The following ESRRG variants were observed in gnomAD, a reference collection of about 807,000 sequenced individuals.
ESRRG encodes estrogen related receptor gamma, also known as estrogen-related receptor gamma.
Under a neutral mutation model 44.0 loss-of-function variants are expected in ESRRG, and 13 were observed. The observed-to-expected ratio is 0.30, with a 90% CI of 0.19 to 0.47. The LOEUF (loss-of-function observed/expected upper bound fraction) is 0.47. Among genes scored for constraint, ESRRG ranks in the 20% least tolerant of loss-of-function variants. The probability of loss-of-function intolerance (pLI) is 1.00; values close to 1 mark genes in which losing one functional copy is unlikely to be tolerated. For synonymous variants in ESRRG, 215 were observed against 214.6 expected, an observed-to-expected ratio of 1.00 and a Z score of -0.02; for missense variants, 395 against 580.6, an observed-to-expected ratio of 0.68 and a Z score of 3.29.
At chr1:217,131,764 G>A (rs952795086) in intron 1 of ESRRG, among the ~76,000 whole-genome samples, 7 of 152,178 alleles carry the variant, frequency 4.6e-5, no homozygotes, top group African/African-American at 1.4e-4. Context: ...GGAAAAATTT[G>A]AGTTCAAATT....
chr1:216,715,349 A>G (rs2084624821), intron 1 of ESRRG: 4 of 502,150 alleles, frequency 8.0e-6, no homozygotes, highest in Non-Finnish European at 1.0e-5. Context: ...CACCAACCAT[A>G]TACATCTTTC....
intron 2 of ESRRG, among the ~76,000 whole-genome samples, chr1:216,841,470 G>A (rs1171118925): frequency 1.3e-5 from 2 of 152,166 alleles, no homozygotes; most frequent in Non-Finnish European, 2.9e-5. Context: ...AACTGTGGAA[G>A]TACATGAACA....
chr1:217,088,941 G>A (rs2092261251), intron 1 of ESRRG, among the ~76,000 whole-genome samples: 1 of 152,032 alleles, frequency 6.6e-6, no homozygotes, highest in Admixed American at 6.6e-5. Flanking sequence ...CAACTTCAGC[G>A]ACTCCCTCGG....
At chr1:216,911,572 A>G (rs953225037) in intron 2 of ESRRG, among the ~76,000 whole-genome samples, 65 of 152,268 alleles carry the variant, frequency 4.3e-4, no homozygotes, top group African/African-American at 1.3e-3. Flanking sequence ...CCCAGAGAGA[A>G]TGCTATTGTA....
intron 1 of ESRRG, among the ~76,000 whole-genome samples, chr1:216,971,883 C>T (rs1187484804): frequency 6.6e-6 from 1 of 152,154 alleles, no homozygotes; most frequent in African/African-American, 2.4e-5. Context: ...TTTCCTTCAG[C>T]TACGCTAATC....
At chr1:216,538,675 A>G (rs1459737129) in intron 5 of ESRRG, among the ~76,000 whole-genome samples, 2 of 152,016 alleles carry the variant, frequency 1.3e-5, no homozygotes, top group Non-Finnish European at 2.9e-5. Flanking sequence ...AACTCTACCC[A>G]TCTTCCTATC....
intron 1 of ESRRG, among the ~76,000 whole-genome samples, chr1:217,040,878 G>T (rs1397487636): frequency 1.3e-5 from 2 of 152,106 alleles, no homozygotes; most frequent in Admixed American, 6.5e-5. Flanking sequence ...AACACAGATG[G>T]AGGGCCAGAA....
In ESRRG at chr1:216,847,437, A is replaced by G. The variant is rs1212489532; in HGVS notation, c.-14+92145T>C. On this transcript the variant is annotated intron_variant, in intron 2 of 7. Coordinates refer to the ESRRG transcript ENST00000359162. Reference sequence around the variant, plus strand: ...AAAGGTACCATGATTTAACTGGAGTAGAAAGGAAAGGGATACATTTTAATT... The same window carrying G: ...AAAGGTACCATGATTTAACTGGAGTGGAAAGGAAAGGGATACATTTTAATT... 2.0e-5 allele frequency among the ~76,000 whole-genome samples: 3 copies of G among 152,286 alleles called. No individual in the cohort carries two copies. In the East Asian group the frequency reaches 5.8e-4, roughly 29 times the overall value.
chr1:217,118,014 T>A (rs1212958203), intron 1 of ESRRG, among the ~76,000 whole-genome samples: 1 of 152,224 alleles, frequency 6.6e-6, no homozygotes, highest in Non-Finnish European at 1.5e-5. Context: ...ATCATCTTCC[T>A]AATCTAATAA....
At chr1:216,759,744 AT>A (rs1245032059) in intron 2 of ESRRG, among the ~76,000 whole-genome samples, 6 of 151,982 alleles carry the variant, frequency 3.9e-5, no homozygotes, top group Admixed American at 2.6e-4. Context: ...TAATAGAACA[AT>A]TTTTTTCTTG....
chr1:216,754,097 A>G (rs2092288166), intron 2 of ESRRG, among the ~76,000 whole-genome samples: 1 of 152,034 alleles, frequency 6.6e-6, no homozygotes, highest in Non-Finnish European at 1.5e-5. Context: ...AAGAGCTTTC[A>G]AAAGTAACTT....
chr1:216,859,530 G>T (rs2096012444), intron 2 of ESRRG, among the ~76,000 whole-genome samples: 1 of 152,170 alleles, frequency 6.6e-6, no homozygotes, highest in Non-Finnish European at 1.5e-5. Flanking sequence ...ACTATTGAAG[G>T]CTGGGAAAAG....
chr1:216,862,463 C>G (rs562026567), intron 2 of ESRRG: 1 of 151,980 alleles, frequency 6.6e-6, no homozygotes, highest in Non-Finnish European at 1.5e-5. Flanking sequence ...GACCTCGTGA[C>G]CCCCCCAAAA....
At chr1:216,684,898 C>T (rs1175960829) in intron 1 of ESRRG, among the ~76,000 whole-genome samples, 1 of 152,084 alleles carries the variant, frequency 6.6e-6, no homozygotes, top group African/African-American at 2.4e-5. Context: ...GTATATTTGC[C>T]CTAATGCAGC....
chr1:217,127,565 C>A (rs1016661982), intron 1 of ESRRG, among the ~76,000 whole-genome samples: 13 of 152,204 alleles, frequency 8.5e-5, no homozygotes, highest in African/African-American at 2.9e-4. Flanking sequence ...CATCTGAAAT[C>A]CCTGGATTAT....
chr1:216,698,145 G>A (rs1245286510), intron 1 of ESRRG, among the ~76,000 whole-genome samples: 1 of 152,108 alleles, frequency 6.6e-6, no homozygotes, highest in East Asian at 1.9e-4. Context: ...GGGAAAACGG[G>A]AAAGGAAAAA....
At chr1:216,634,259 G>C (rs897774280) in intron 3 of ESRRG, among the ~76,000 whole-genome samples, 1 of 152,130 alleles carries the variant, frequency 6.6e-6, no homozygotes, top group Non-Finnish European at 1.5e-5. Flanking sequence ...ATACTGTAGG[G>C]TCAAAGGTAG....
intron 2 of ESRRG, among the ~76,000 whole-genome samples, chr1:216,856,291 C>T (rs2149043548): frequency 6.6e-6 from 1 of 151,638 alleles, no homozygotes; most frequent in South Asian, 2.1e-4. Flanking sequence ...ATGCTCCTTA[C>T]ATTTCCCATA....
intron 2 of ESRRG, among the ~76,000 whole-genome samples, chr1:216,803,797 GT>G (rs1018523922): frequency 6.6e-6 from 1 of 151,808 alleles, no homozygotes; most frequent in African/African-American, 2.4e-5. Context: ...TCTGATCCTT[GT>G]TTTTCTCCCC....
Sources: gnomAD v4.1 joint callset for allele counts (sites outside exome capture counted in the v4.1 genomes callset) on GRCh38, gnomAD v4.1.1 for gene constraint, MANE v1.5 for transcripts, NCBI Gene and HGNC (gene_info 2026-07-23, HGNC 2026-07-21) for gene names.